The following FRMPD2 variants were observed in gnomAD, a reference collection of about 807,000 sequenced individuals.
FRMPD2 encodes FERM and PDZ domain-containing protein 2.
A neutral mutation model predicts 140.1 loss-of-function variants in FRMPD2; 96 were observed. The ratio of observed to expected loss-of-function variants is 0.69; its 90% CI spans 0.58 to 0.81. The LOEUF (loss-of-function observed/expected upper bound fraction) is 0.81, where lower values mean the gene tolerates loss of function less well. Among genes scored for constraint, FRMPD2 ranks in the 40% least tolerant of loss-of-function variants. The pLI is 0.00. For synonymous variants in FRMPD2, 449 were observed against 547.6 expected (o/e 0.82, Z 2.52); for missense variants, 1,240 against 1,447.4 (o/e 0.86, Z 2.32).
chr10:48,244,324 G>C, intron 4 of FRMPD2, among the ~76,000 whole-genome samples: 1 of 152,200 alleles, frequency 6.6e-6, no homozygotes, highest in East Asian at 1.9e-4. Context: ...CCTTCTTGTA[G>C]TTTTTAAAAA....
intron 3 of FRMPD2, chr10:48,248,803 T>C: frequency 5.0e-6 from 2 of 400,376 alleles, no homozygotes; most frequent in Non-Finnish European, 8.9e-6. Flanking sequence ...ATTTTACCAA[T>C]GTAGAAATTG....
At chr10:48,251,499 C>G in intron 2 of FRMPD2, 67 bp downstream of exon 2, 1 of 1,592,870 alleles carries the variant, frequency 6.3e-7, no homozygotes, top group Non-Finnish European at 8.6e-7. Flanking sequence ...GCAGCCAGAA[C>G]TGTGTTTGTG....
chr10:48,199,577 CTAGAT>C (rs2131859486), intron 15 of FRMPD2: 1 of 152,328 alleles, frequency 6.6e-6, no homozygotes, highest in Admixed American at 6.5e-5. Flanking sequence ...CACCTGATCT[CTAGAT>C]TATGTGTATT....
intron 13 of FRMPD2, among the ~76,000 whole-genome samples, chr10:48,209,625 G>A (rs1173375329): frequency 2.0e-5 from 3 of 152,186 alleles, no homozygotes; most frequent in Non-Finnish European, 4.4e-5. Context: ...GAGGATCCAC[G>A]GCCTTCCAGG....
At chr10:48,271,190 C>T (rs1045655978) in intron 1 of FRMPD2, among the ~76,000 whole-genome samples, 4 of 152,076 alleles carry the variant, frequency 2.6e-5, no homozygotes, top group African/African-American at 9.7e-5. Flanking sequence ...TTAGACGCAC[C>T]ACAACCCCCT....
At chr10:48,162,153 C>A (rs1388735242) in intron 28 of FRMPD2, among the ~76,000 whole-genome samples, 2 of 147,436 alleles carry the variant, frequency 1.4e-5, no homozygotes, top group Admixed American at 6.8e-5. Flanking sequence ...ACTGCCTAGA[C>A]TGCAATTGTA....
intron 21 of FRMPD2, among the ~76,000 whole-genome samples, chr10:48,179,723 T>C (rs1277769582): frequency 6.6e-6 from 1 of 152,014 alleles, no homozygotes; most frequent in Non-Finnish European, 1.5e-5. Context: ...CTGGGCATAG[T>C]ACCTTAGTTT....
intron 3 of FRMPD2, among the ~76,000 whole-genome samples, chr10:48,246,484 T>C (rs748196519): frequency 6.6e-6 from 1 of 152,162 alleles, no homozygotes; most frequent in Non-Finnish European, 1.5e-5. Context: ...CCTGGCTCAG[T>C]GGGAAAGAAC....
chr10:48,239,658 T>TG lies in FRMPD2; in HGVS notation c.734dup (p.Glu246ArgfsTer17). On this transcript the variant is annotated frameshift_variant, in exon 7 of 29. Transcript: ENST00000374201. LOFTEE classifies it high-confidence loss of function. ...GTGTCAAGGTGCTCCAATGGGGCTC[T>TG]GGTGAGCTCTGGGTCTCCGTGCTTC... The TG allele has an allele frequency of 6.2e-7, 1 of 1,614,124 alleles. No homozygotes were observed. Among genetic ancestry groups the TG allele is most frequent in the Non-Finnish European group, 8.5e-7 (1 of 1,180,006 alleles).
chr10:48,214,151 T>C (rs746642665), intron 12 of FRMPD2, among the ~76,000 whole-genome samples: 4 of 152,252 alleles, frequency 2.6e-5, no homozygotes, highest in Non-Finnish European at 5.9e-5. Flanking sequence ...CAAGTGCTGA[T>C]GAGTTTTCTT....
At chr10:48,206,696 C>T in intron 14 of FRMPD2, 52 bp downstream of exon 14, 1 of 1,516,894 alleles carries the variant, frequency 6.6e-7, no homozygotes, top group Non-Finnish European at 9.1e-7. Context: ...AAACGGCCAA[C>T]AAATCAAAGG....
At chr10:48,210,387 C>T (rs1369755896) in intron 13 of FRMPD2, among the ~76,000 whole-genome samples, 1 of 152,222 alleles carries the variant, frequency 6.6e-6, no homozygotes, top group East Asian at 1.9e-4. Flanking sequence ...TGTATTTTTG[C>T]TTCTCAGCCT....
At chr10:48,232,075 A>T (rs764731031) in intron 10 of FRMPD2, 40 bp downstream of exon 10, 2 of 1,601,108 alleles carry the variant, frequency 1.2e-6, no homozygotes, top group African/African-American at 1.3e-5. Context: ...GGGTTACCAG[A>T]GGCACCAGGC....
chr10:48,268,989 A>G (rs1840722151), intron 1 of FRMPD2, among the ~76,000 whole-genome samples: 1 of 152,220 alleles, frequency 6.6e-6, no homozygotes, highest in African/African-American at 2.4e-5. Flanking sequence ...AAACAAAAAT[A>G]TGCAACAGAT....
intron 16 of FRMPD2, among the ~76,000 whole-genome samples, chr10:48,188,796 A>C (rs571533013): frequency 2.0e-5 from 3 of 152,206 alleles, no homozygotes; most frequent in Non-Finnish European, 4.4e-5. Flanking sequence ...TGGGCCACAC[A>C]TGCAACCCTT....
intron 1 of FRMPD2, among the ~76,000 whole-genome samples, chr10:48,264,704 A>C (rs1031102834): frequency 6.6e-6 from 1 of 152,192 alleles, no homozygotes; most frequent in South Asian, 2.1e-4. Context: ...GAGAAGACTC[A>C]ATATTGTTAA....
chr10:48,231,649 C>G (rs935227598), intron 10 of FRMPD2, among the ~76,000 whole-genome samples: 1 of 152,196 alleles, frequency 6.6e-6, no homozygotes, highest in Non-Finnish European at 1.5e-5. Context: ...GAGCCTGTCT[C>G]TCTCCACTGT....
intron 26 of FRMPD2, 125 bp downstream of exon 26, chr10:48,170,869 A>T (rs1178270896): frequency 2.5e-6 from 2 of 811,014 alleles, no homozygotes; most frequent in South Asian, 2.7e-5. Context: ...TCTTTGTGTG[A>T]TTAAAATCCG....
Position 48,241,244 on chromosome 10 carries a change from C to T in FRMPD2, c.568-752G>A, listed in dbSNP as rs142874442. Reference sequence around the variant, plus strand: ...TGTTGCCGCTGTCCACCCTGCTGTCCCCACATCTCCATCCACTTTGGCCCT... The same window carrying T: ...TGTTGCCGCTGTCCACCCTGCTGTCTCCACATCTCCATCCACTTTGGCCCT... On this transcript the variant is annotated intron_variant, in intron 5 of 28. Coordinates refer to ENST00000374201, the MANE Select transcript of FRMPD2 (RefSeq NM_001018071.4). Among the ~76,000 whole-genome samples the T allele has an allele frequency of 7.1e-3, 1,080 of 152,278 alleles. 6 individuals carry two copies. The highest frequency in any genetic ancestry group is 0.024 in the Middle Eastern group (7 of 294).
Sources: gnomAD v4.1 joint callset for allele counts (sites outside exome capture counted in the v4.1 genomes callset) on GRCh38, gnomAD v4.1.1 for gene constraint, MANE v1.5 for transcripts, NCBI Gene and HGNC (gene_info 2026-07-23, HGNC 2026-07-21) for gene names.